The following DCLK1 variants were observed in gnomAD, a reference collection of about 807,000 sequenced individuals.
The protein encoded by DCLK1 is doublecortin like kinase 1, also known as serine/threonine-protein kinase DCLK1.
Under a neutral mutation model 86.2 loss-of-function variants are expected in DCLK1, and 16 were observed. The ratio of observed to expected loss-of-function variants is 0.19; its 90% CI spans 0.13 to 0.28. The LOEUF (loss-of-function observed/expected upper bound fraction) is 0.28, where lower values mean the gene tolerates loss of function less well. DCLK1 is among the 10% of genes least tolerant of loss of function. The pLI is 1.00. For missense variants in DCLK1, 590 were observed against 940.2 expected, an observed-to-expected ratio of 0.63 and a Z score of 4.87; for synonymous variants, 369 against 370.5, an observed-to-expected ratio of 1.00 and a Z score of 0.05.
At position 35,824,605 on chromosome 13, in the gene DCLK1, G is replaced by A. The variant is rs570102257; in HGVS notation, c.1408-1730C>T. The stretch of plus-strand genomic sequence containing the variant: ...AACGCTCCTGTTGCCTCATCCCTGG[G>A]TTGTTGTCATGTGGTCTCACAATCC... On this transcript the variant is annotated intron_variant, in intron 10 of 16. Coordinates refer to ENST00000360631, the MANE Select transcript of DCLK1 (RefSeq NM_001330071.2). 2.1e-4 allele frequency among the ~76,000 whole-genome samples: 32 copies of A among 152,184 alleles called. No individual in the cohort carries two copies. The South Asian group carries it at 6.4e-3, about 31-fold the overall frequency.
At chr13:35,883,432 A>C (rs1873037591) in intron 4 of DCLK1, among the ~76,000 whole-genome samples, 1 of 152,128 alleles carries the variant, frequency 6.6e-6, no homozygotes, top group South Asian at 2.1e-4. Flanking sequence ...TGATCTCTGC[A>C]CATACCAGCT....
chr13:35,871,475 T>C, intron 4 of DCLK1, 135 bp from the exon 5 acceptor site: 1 of 749,682 alleles, frequency 1.3e-6, no homozygotes, highest in South Asian at 1.7e-5. Context: ...GCTGGGTTCT[T>C]GTCTATGTCA....
intron 1 of DCLK1, among the ~76,000 whole-genome samples, chr13:36,128,434 T>C (rs775199488): frequency 3.9e-5 from 6 of 152,204 alleles, no homozygotes; most frequent in Non-Finnish European, 8.8e-5. Flanking sequence ...AACTGGTTCC[T>C]CTTCAGCATG....
chr13:35,972,933 T>C (rs189191503), intron 3 of DCLK1, among the ~76,000 whole-genome samples: 19 of 152,072 alleles, frequency 1.2e-4, no homozygotes, highest in African/African-American at 4.3e-4. Flanking sequence ...GCTGTACAAA[T>C]GCATTATTAT....
Position 35,774,487 on chromosome 13 carries a change from C to A in DCLK1, c.*48G>T. 1.3e-6 allele frequency: 2 copies of A among 1,541,484 alleles called. No individual in the cohort carries two copies. The highest frequency in any genetic ancestry group is 1.8e-6 in the Non-Finnish European group (2 of 1,140,982). On this transcript the variant is annotated 3_prime_UTR_variant, in exon 17 of 17. Coordinates refer to ENST00000360631, the MANE Select transcript of DCLK1 (RefSeq NM_001330071.2). The stretch of plus-strand genomic sequence containing the variant: ...TTACACAAATTTGGGGGAAAAAAAT[C>A]TCAGAGTCTCAAAGGGTTAAGCTAG...
chr13:35,876,022 G>A (rs542700989), intron 4 of DCLK1, among the ~76,000 whole-genome samples: 5 of 152,126 alleles, frequency 3.3e-5, no homozygotes, highest in South Asian at 2.1e-4. Context: ...AATGTCTATC[G>A]GTGTCCATGG....
chr13:35,917,312 T>G (rs1321892952), intron 4 of DCLK1, among the ~76,000 whole-genome samples: 1 of 152,216 alleles, frequency 6.6e-6, no homozygotes, highest in Non-Finnish European at 1.5e-5. Flanking sequence ...GAAGAGGTAT[T>G]TTTCCTCCCC....
chr13:35,872,607 T>C (rs1014832774), intron 4 of DCLK1, among the ~76,000 whole-genome samples: 1 of 152,226 alleles, frequency 6.6e-6, no homozygotes, highest in African/African-American at 2.4e-5. Flanking sequence ...ATTTAGTTTC[T>C]AGTAGCCAGA....
intron 3 of DCLK1, among the ~76,000 whole-genome samples, chr13:36,091,499 T>C (rs995092860): frequency 6.6e-6 from 1 of 152,236 alleles, no homozygotes; most frequent in African/African-American, 2.4e-5. Context: ...TGTTATGTGA[T>C]GAATGACTTT....
chr13:35,910,841 C>T (rs1005188936), intron 4 of DCLK1, among the ~76,000 whole-genome samples: 3 of 152,182 alleles, frequency 2.0e-5, no homozygotes, highest in Non-Finnish European at 4.4e-5. Context: ...TATCTCTATT[C>T]TTTGTGCAAT....
intron 3 of DCLK1, among the ~76,000 whole-genome samples, chr13:36,107,106 T>TGTTTAC (rs3080959): frequency 6.6e-6 from 1 of 151,988 alleles, no homozygotes; most frequent in Non-Finnish European, 1.5e-5. Context: ...TTGAGCTTTA[T>TGTTTAC]AACAGGCAAT....
At chr13:35,784,785 C>A (rs1300335836) in intron 16 of DCLK1, among the ~76,000 whole-genome samples, 2 of 152,106 alleles carry the variant, frequency 1.3e-5, no homozygotes, top group African/African-American at 4.8e-5. Context: ...GCCAGGACAA[C>A]TAGCCACCGA....
At chr13:36,088,751 A>C (rs1050768934) in intron 3 of DCLK1, among the ~76,000 whole-genome samples, 1 of 152,176 alleles carries the variant, frequency 6.6e-6, no homozygotes, top group African/African-American at 2.4e-5. Context: ...AAAAAGATCT[A>C]TCTCTCTTGA....
chr13:36,064,636 C>T (rs1255225469), intron 3 of DCLK1, among the ~76,000 whole-genome samples: 25 of 145,956 alleles, frequency 1.7e-4, no homozygotes, highest in African/African-American at 5.6e-4. Flanking sequence ...TCCAGCCTGG[C>T]GACAGAGTGA....
chr13:36,071,532 T>C (rs1471097295), intron 3 of DCLK1, among the ~76,000 whole-genome samples: 2 of 152,202 alleles, frequency 1.3e-5, no homozygotes, highest in African/African-American at 4.8e-5. Context: ...CTATGCTATG[T>C]TACTCCATAT....
intron 3 of DCLK1, among the ~76,000 whole-genome samples, chr13:36,053,152 G>T (rs147360217): frequency 1.3e-5 from 2 of 152,120 alleles, no homozygotes; most frequent in Non-Finnish European, 2.9e-5. Context: ...CTATATTTAA[G>T]GCTGCCTGAT....
At chr13:36,094,685 G>A (rs1248250778) in intron 3 of DCLK1, among the ~76,000 whole-genome samples, 3 of 152,192 alleles carry the variant, frequency 2.0e-5, no homozygotes, top group African/African-American at 7.2e-5. Context: ...TGGCTCCAGA[G>A]CTATCAGCCG....
chr13:35,835,425 C>T (rs1191518876), intron 8 of DCLK1, among the ~76,000 whole-genome samples: 1 of 152,218 alleles, frequency 6.6e-6, no homozygotes, highest in Non-Finnish European at 1.5e-5. Context: ...GCTTGAGGCC[C>T]CCGTAGCTGG....
intron 3 of DCLK1, among the ~76,000 whole-genome samples, chr13:36,021,098 A>G (rs1397868140): frequency 6.6e-6 from 1 of 152,168 alleles, no homozygotes; most frequent in Non-Finnish European, 1.5e-5. Context: ...TTTGTGTGAC[A>G]ATAATAGCAC....
Sources: allele counts gnomAD v4.1 joint callset (sites outside exome capture counted in the v4.1 genomes callset), GRCh38; gene constraint gnomAD v4.1.1; transcripts MANE v1.5; gene names NCBI Gene and HGNC (gene_info 2026-07-23, HGNC 2026-07-21).